Variants in SCAI observed in about 807,000 individuals in gnomAD.
SCAI encodes protein SCAI.
SCAI carries 24 observed loss-of-function variants against 92.2 expected under a neutral mutation model. The ratio of observed to expected loss-of-function variants is 0.26; its 90% CI spans 0.19 to 0.37. The LOEUF is 0.37. SCAI is among the 10% of genes least tolerant of loss of function. The probability of loss-of-function intolerance (pLI) is 1.00; values close to 1 mark genes in which losing one functional copy is unlikely to be tolerated. For missense variants in SCAI, 450 were observed against 736.2 expected (o/e 0.61, Z 4.50); for synonymous variants, 261 against 258.6 (o/e 1.01, Z -0.09).
In SCAI at chr9:124,948,707, T is replaced by C. The variant is rs1588109973; in HGVS notation, c.*4100A>G. ...CCACTGTGCTTCATTTTGTTTTGTG[T>C]ATAACTGACTTCTTGCAGTCTTATG... On this transcript the variant is annotated 3_prime_UTR_variant, in exon 18 of 18. Transcript: ENST00000336505. 1 of 152,212 alleles carries C rather than the reference T, an allele frequency of 6.6e-6. No individual in the cohort carries two copies. The highest frequency in any genetic ancestry group is 2.4e-5 in the African/African-American group (1 of 41,464). 9.4% of individuals were successfully genotyped at this position (152,212 alleles called of 1,614,324 possible). A position where few individuals can be genotyped will look rare whatever the true frequency, so the allele number is the denominator to read the frequency against.
At position 125,109,364 on chromosome 9, in the gene SCAI, T is replaced by A. The variant is rs565952545; in HGVS notation, c.98+33269A>T. ...CCCAAGAATTATCAATTTTAAAAAATAATAATAATAATAATAATAAAAGAC... is the reference window on the plus strand; with the variant it reads ...CCCAAGAATTATCAATTTTAAAAAAAAATAATAATAATAATAATAAAAGAC... On this transcript the variant is annotated intron_variant, in intron 2 of 17. Coordinates refer to ENST00000336505, the MANE Select transcript of SCAI (RefSeq NM_001144877.3). Among the ~76,000 whole-genome samples, 166 of 151,116 alleles carry A rather than the reference T, an allele frequency of 1.1e-3. 2 individuals carry two copies. Among genetic ancestry groups the A allele is most frequent in the African/African-American group, 2.4e-3 (101 of 41,264 alleles).
chr9:125,007,362 T>C (rs570849767), intron 9 of SCAI, among the ~76,000 whole-genome samples: 4 of 151,996 alleles, frequency 2.6e-5, no homozygotes, highest in Admixed American at 6.6e-5. Context: ...AATGAAGAAA[T>C]AGAGAATTCT....
At chr9:125,003,373 AT>A in intron 10 of SCAI, 95 bp downstream of exon 10, 1 of 1,037,154 alleles carries the variant, frequency 9.6e-7, no homozygotes, top group Non-Finnish European at 1.5e-6. Flanking sequence ...TGAATTCTTT[AT>A]TCAAGGCTGT....
chr9:125,020,774 G>A lies in SCAI; in HGVS notation c.513-5C>T. On this transcript the variant is annotated splice_polypyrimidine_tract_variant and splice_region_variant and intron_variant, in intron 6 of 17. Transcript: ENST00000336505. Reference sequence around the variant, plus strand: ...TTCTTAACTACCAATTCAGGTCTATGGAAGATAAATGAAAAATTACTCATT... The same window carrying A: ...TTCTTAACTACCAATTCAGGTCTATAGAAGATAAATGAAAAATTACTCATT... The A allele has an allele frequency of 2.3e-6, 3 of 1,302,428 alleles. No homozygotes were observed. Among genetic ancestry groups the A allele is most frequent in the Non-Finnish European group, 3.2e-6 (3 of 938,850 alleles). The allele number at this position is 1,302,428 out of a possible 1,614,324, so 80.7% of individuals were successfully genotyped here.
intron 2 of SCAI, among the ~76,000 whole-genome samples, chr9:125,081,717 C>T (rs568620601): frequency 1.3e-4 from 20 of 152,180 alleles, no homozygotes; most frequent in Non-Finnish European, 2.2e-4. Flanking sequence ...GGACCACAGG[C>T]GCATGCTGCC....
chr9:125,096,594 A>T (rs1281666124), intron 2 of SCAI, among the ~76,000 whole-genome samples: 1 of 152,196 alleles, frequency 6.6e-6, no homozygotes, highest in African/African-American at 2.4e-5. Context: ...CCTTGATACC[A>T]GCCTCCTCTT....
chr9:124,955,907 TG>T (rs1831309011), intron 17 of SCAI, among the ~76,000 whole-genome samples: 1 of 152,172 alleles, frequency 6.6e-6, no homozygotes, highest in African/African-American at 2.4e-5. Context: ...CCTTTGAAAG[TG>T]GATTCATAAT....
At chr9:125,129,794 C>T (rs751205303) in intron 2 of SCAI, among the ~76,000 whole-genome samples, 1 of 151,604 alleles carries the variant, frequency 6.6e-6, no homozygotes, top group Non-Finnish European at 1.5e-5. Flanking sequence ...ATTTGCAACC[C>T]TAATGAATTC....
chr9:125,093,631 T>A (rs940757999), intron 2 of SCAI, among the ~76,000 whole-genome samples: 3 of 150,982 alleles, frequency 2.0e-5, no homozygotes, highest in Non-Finnish European at 2.9e-5. Context: ...AGCAGTGTGA[T>A]CTTGGCTCAC....
chr9:125,012,785 C>A (rs1222362776), intron 9 of SCAI, among the ~76,000 whole-genome samples: 1 of 152,108 alleles, frequency 6.6e-6, no homozygotes, highest in East Asian at 1.9e-4. Context: ...GGAAGTAAAG[C>A]TCTCCTCAGC....
chr9:125,011,093 C>G (rs1832628988), intron 9 of SCAI, among the ~76,000 whole-genome samples: 1 of 152,172 alleles, frequency 6.6e-6, no homozygotes, highest in Non-Finnish European at 1.5e-5. Context: ...AAAAACAGAG[C>G]AGAAAAACTG....
At chr9:125,009,406 A>G (rs1234273153) in intron 9 of SCAI, among the ~76,000 whole-genome samples, 1 of 152,128 alleles carries the variant, frequency 6.6e-6, no homozygotes, top group Non-Finnish European at 1.5e-5. Context: ...AGTAGCTGGA[A>G]TTATAGGCAC....
chr9:125,052,993 A>G (rs1833592283), intron 3 of SCAI, among the ~76,000 whole-genome samples: 1 of 152,184 alleles, frequency 6.6e-6, no homozygotes, highest in African/African-American at 2.4e-5. Flanking sequence ...TTTGGAAAAC[A>G]GTTTGGCAGG....
At chr9:125,050,958 A>C (rs1486339610) in intron 3 of SCAI, among the ~76,000 whole-genome samples, 2 of 152,208 alleles carry the variant, frequency 1.3e-5, no homozygotes, top group South Asian at 2.1e-4. Flanking sequence ...ATCCAAAAGC[A>C]TTCAGAGAAG....
At chr9:124,996,530 T>C (rs1832242551) in intron 13 of SCAI, among the ~76,000 whole-genome samples, 1 of 152,174 alleles carries the variant, frequency 6.6e-6, no homozygotes, top group South Asian at 2.1e-4. Context: ...CTTGAACTCC[T>C]GAACTCAAGC....
intron 17 of SCAI, among the ~76,000 whole-genome samples, chr9:124,954,509 T>C (rs941714743): frequency 2.6e-5 from 4 of 152,212 alleles, no homozygotes; most frequent in Non-Finnish European, 5.9e-5. Context: ...ATTTTACAGA[T>C]AAGTAAACTA....
chr9:125,113,033 AAGAAAAACTTATTTATGT>A (rs1834961533), intron 2 of SCAI, among the ~76,000 whole-genome samples: 1 of 152,252 alleles, frequency 6.6e-6, no homozygotes, highest in Non-Finnish European at 1.5e-5. Flanking sequence ...ATCTTAAATG[AAGAAAAACTTATTTATGT>A]AGGTATTTTA....
intron 9 of SCAI, among the ~76,000 whole-genome samples, chr9:125,018,415 G>T (rs951975623): frequency 6.6e-6 from 1 of 152,088 alleles, no homozygotes; most frequent in Non-Finnish European, 1.5e-5. Flanking sequence ...GGAAACTTTA[G>T]AATGTTGTAA....
At chr9:125,037,903 T>G (rs1294931665) in intron 3 of SCAI, among the ~76,000 whole-genome samples, 1 of 148,622 alleles carries the variant, frequency 6.7e-6, no homozygotes, top group African/African-American at 2.5e-5. Context: ...GCGACGAGAG[T>G]GAAACTCCAT....
Sources: gnomAD v4.1 joint callset for allele counts (sites outside exome capture counted in the v4.1 genomes callset) on GRCh38, gnomAD v4.1.1 for gene constraint, MANE v1.5 for transcripts, NCBI Gene and HGNC (gene_info 2026-07-23, HGNC 2026-07-21) for gene names.